The following RAB3GAP1 variants were observed in gnomAD, a reference collection of about 807,000 sequenced individuals.
RAB3GAP1 encodes the protein RAB3 GTPase activating protein catalytic subunit 1.
A neutral mutation model predicts 130.7 loss-of-function variants in RAB3GAP1; 86 were observed. The ratio of observed to expected loss-of-function variants is 0.66; its 90% CI spans 0.55 to 0.79. RAB3GAP1 has a LOEUF of 0.79. Ranked by LOEUF, RAB3GAP1 falls within the 30% of genes least tolerant of loss-of-function variation. The pLI is 0.00. For synonymous variants in RAB3GAP1, 367 were observed against 401.7 expected (o/e 0.91, Z 1.03); for missense variants, 1,029 against 1,169.4 (o/e 0.88, Z 1.75).
chr2:135,139,619 G>A (rs1456801215), intron 17 of RAB3GAP1, among the ~76,000 whole-genome samples: 2 of 151,228 alleles, frequency 1.3e-5, no homozygotes, highest in African/African-American at 4.9e-5. Flanking sequence ...ATTGATACAT[G>A]CATATAACTA....
chr2:135,166,795 T>C (rs1692666882), intron 23 of RAB3GAP1, among the ~76,000 whole-genome samples: 1 of 152,230 alleles, frequency 6.6e-6, no homozygotes, highest in South Asian at 2.1e-4. Context: ...CCACTTAATA[T>C]ACTTAAGATA....
chr2:135,071,339 ATTAAT>A (rs1689467116), intron 3 of RAB3GAP1, among the ~76,000 whole-genome samples: 1 of 152,168 alleles, frequency 6.6e-6, no homozygotes, highest in Admixed American at 6.5e-5. Context: ...AAGCAGTTTT[ATTAAT>A]TTATTTAAAA....
At position 135,093,167 on chromosome 2, in the gene RAB3GAP1, A is replaced by G. The variant is rs371266888; in HGVS notation, c.284-448A>G. Among the ~76,000 whole-genome samples, 42 of 152,342 alleles carry G rather than the reference A, an allele frequency of 2.8e-4. No homozygotes were observed. In the South Asian group the frequency reaches 7.3e-3, roughly 26 times the overall value. On this transcript the variant is annotated intron_variant, in intron 4 of 23. Transcript: ENST00000264158. ...TGGATAGTAATTTAAGTGTGTAAAC[A>G]TAGTTTAGAAGTGGGAAGCCAGGTA...
At chr2:135,135,371 A>T in intron 16 of RAB3GAP1, 52 bp downstream of exon 16, 2 of 1,522,172 alleles carry the variant, frequency 1.3e-6, no homozygotes, top group Non-Finnish European at 1.8e-6. Flanking sequence ...TAATCAGATT[A>T]TTCTAATACT....
intron 5 of RAB3GAP1, 84 bp from the exon 6 acceptor site, chr2:135,113,067 G>A (rs1276305633): frequency 6.3e-7 from 1 of 1,585,248 alleles, no homozygotes; most frequent in Non-Finnish European, 8.6e-7. Context: ...ATTTTCTGTA[G>A]TGAAATTTTT....
intron 19 of RAB3GAP1, among the ~76,000 whole-genome samples, chr2:135,157,548 T>C (rs1441456949): frequency 1.3e-5 from 2 of 152,106 alleles, no homozygotes; most frequent in Non-Finnish European, 2.9e-5. Context: ...AAGAAAAATC[T>C]TGAGGCCAGG....
At position 135,135,314 on chromosome 2, in the gene RAB3GAP1, C is replaced by T. The variant is rs748174254; in HGVS notation, c.1549C>T (p.Leu517=). The T allele has an allele frequency of 4.4e-6, 7 of 1,604,034 alleles. No individual in the cohort carries two copies. The highest frequency in any genetic ancestry group is 6.0e-6 in the Non-Finnish European group (7 of 1,171,028). ...DLRCCLLHQK[L]QMLNCCIERK... ...GAGGTGTTGTTTACTGCATCAGAAACTACAGGTAAAGATTTCTCAATGACA... is the reference window on the plus strand; with the variant it reads ...GAGGTGTTGTTTACTGCATCAGAAATTACAGGTAAAGATTTCTCAATGACA... The change falls in exon 16 of 24, where the codon CTA becomes TTA. Residue 517 remains leucine (L), a synonymous_variant. Transcript: ENST00000264158.
At chr2:135,146,652 A>G (rs888304739) in intron 17 of RAB3GAP1, among the ~76,000 whole-genome samples, 2 of 152,198 alleles carry the variant, frequency 1.3e-5, no homozygotes, top group African/African-American at 2.4e-5. Context: ...AATACAAGCT[A>G]TGTTTCCTTT....
chr2:135,055,986 G>A (rs368557844), intron 2 of RAB3GAP1, among the ~76,000 whole-genome samples: 11 of 151,838 alleles, frequency 7.2e-5, no homozygotes, highest in East Asian at 5.9e-4. Flanking sequence ...ACAGGTGCCC[G>A]CCACCACGCC....
intron 7 of RAB3GAP1, among the ~76,000 whole-genome samples, chr2:135,117,582 G>GCTT (rs36174748): frequency 0.24 from 14,565 of 60,370 alleles, 1,049 homozygotes; most frequent in African/African-American, 0.29. Flanking sequence ...TTCTTCTTCT[G>GCTT]CTTCTTCTTC....
intron 9 of RAB3GAP1, 131 bp downstream of exon 9, chr2:135,124,377 G>C: frequency 1.0e-6 from 1 of 991,440 alleles, no homozygotes; most frequent in Middle Eastern, 2.4e-4. Flanking sequence ...AAAGAAAGAC[G>C]TACACCTGGG....
intron 3 of RAB3GAP1, among the ~76,000 whole-genome samples, chr2:135,069,326 A>G (rs1173926295): frequency 6.6e-6 from 1 of 152,220 alleles, no homozygotes; most frequent in Middle Eastern, 3.2e-3. Flanking sequence ...GAAGATGGAA[A>G]GTCTTCTGGA....
chr2:135,101,771 T>A (rs566530848), intron 5 of RAB3GAP1, among the ~76,000 whole-genome samples: 1 of 152,350 alleles, frequency 6.6e-6, no homozygotes, highest in East Asian at 1.9e-4. Context: ...CCTTCTGATA[T>A]ACCTATCCTT....
intron 17 of RAB3GAP1, among the ~76,000 whole-genome samples, chr2:135,144,598 C>A (rs1324577230): frequency 1.3e-5 from 2 of 152,234 alleles, no homozygotes; most frequent in African/African-American, 4.8e-5. Context: ...GGCTTTCAGG[C>A]TTTCAACTAT....
intron 9 of RAB3GAP1, 65 bp downstream of exon 9, chr2:135,124,311 A>T: frequency 7.0e-7 from 1 of 1,438,268 alleles, no homozygotes; most frequent in South Asian, 1.1e-5. Context: ...ATTGATATTG[A>T]TTTCACTGTG....
chr2:135,169,119 A>G lies in RAB3GAP1; in HGVS notation c.*338A>G, dbSNP rs1163802871. ...GCATTCTCTTCTGTGACCAGCCTCT[A>G]GGCTAGCGGCTGCATTCGTGGTCTG... On this transcript the variant is annotated 3_prime_UTR_variant, in exon 24 of 24. Transcript: ENST00000264158. 1.2e-4 allele frequency: 49 copies of G among 399,786 alleles called. No individual in the cohort carries two copies. The highest frequency in any genetic ancestry group is 4.8e-6 in the Non-Finnish European group (1 of 210,348). The allele number at this position is 399,786 out of a possible 1,614,324, so 24.8% of individuals were successfully genotyped here. A position where few individuals can be genotyped will look rare whatever the true frequency, so the allele number is the denominator to read the frequency against.
intron 17 of RAB3GAP1, among the ~76,000 whole-genome samples, chr2:135,146,544 C>T (rs905597962): frequency 7.2e-5 from 11 of 152,042 alleles, no homozygotes; most frequent in African/African-American, 2.2e-4. Context: ...CTTGCTATGG[C>T]GAATGCAGTT....
At chr2:135,106,168 G>A (rs952988666) in intron 5 of RAB3GAP1, among the ~76,000 whole-genome samples, 2 of 151,236 alleles carry the variant, frequency 1.3e-5, no homozygotes, top group African/African-American at 4.9e-5. Context: ...CCGCCGCCCC[G>A]TCCGGGAGGT....
At chr2:135,174,265 C>T (rs1692942233), downstream of RAB3GAP1, among the ~76,000 whole-genome samples, 3 of 64,892 alleles carry the variant, frequency 4.6e-5, no homozygotes, top group South Asian at 7.3e-4. Context: ...GAGAGGGTGG[C>T]GACATGGCCC....
Sources: allele counts gnomAD v4.1 joint callset (sites outside exome capture counted in the v4.1 genomes callset), GRCh38; gene constraint gnomAD v4.1.1; transcripts MANE v1.5; gene names NCBI Gene and HGNC (gene_info 2026-07-23, HGNC 2026-07-21).